CDH12: variants seen among roughly 807,000 people sequenced by gnomAD.
The protein encoded by CDH12 is cadherin-12.
In CDH12, 41 loss-of-function variants were observed where a neutral mutation model predicts 74.1. That is an observed-to-expected ratio of 0.55 (90% CI 0.43 to 0.72). The LOEUF (loss-of-function observed/expected upper bound fraction) is 0.72, where lower values mean the gene tolerates loss of function less well. Among genes scored for constraint, CDH12 ranks in the 30% least tolerant of loss-of-function variants. The probability of loss-of-function intolerance (pLI) is 0.00; values close to 1 mark genes in which losing one functional copy is unlikely to be tolerated. For synonymous variants in CDH12, 399 were observed against 355.0 expected (o/e 1.12, Z -1.39); for missense variants, 945 against 977.2 (o/e 0.97, Z 0.44).
intron 10 of CDH12, 129 bp from the exon 11 acceptor site, chr5:21,783,623 T>A: frequency 3.0e-6 from 2 of 663,768 alleles, no homozygotes; most frequent in Non-Finnish European, 5.2e-6. Flanking sequence ...TAAAGAAGAC[T>A]GTAAATGACA....
intron 1 of CDH12, among the ~76,000 whole-genome samples, chr5:22,507,303 A>C (rs1470637910): frequency 6.6e-6 from 1 of 152,100 alleles, no homozygotes; most frequent in South Asian, 2.1e-4. Context: ...ATTCATTTTT[A>C]AGACAAAAAG....
intron 6 of CDH12, among the ~76,000 whole-genome samples, chr5:21,894,121 G>A (rs942561883): frequency 1.3e-5 from 2 of 152,180 alleles, no homozygotes; most frequent in African/African-American, 4.8e-5. Flanking sequence ...GTTCATGCCT[G>A]TAATCCCAGC....
chr5:22,666,477 A>G (rs551207956), intron 1 of CDH12, among the ~76,000 whole-genome samples: 1 of 151,718 alleles, frequency 6.6e-6, no homozygotes, highest in African/African-American at 2.4e-5. Flanking sequence ...TTTTTAGTAG[A>G]GACGGGGTTT....
chr5:22,845,332 T>C (rs1207617407), intron 1 of CDH12, among the ~76,000 whole-genome samples: 2 of 152,148 alleles, frequency 1.3e-5, no homozygotes, highest in East Asian at 3.9e-4. Context: ...TAGAAAGTAC[T>C]ATAATTCACG....
chr5:22,706,625 A>ATG (rs1297518124), intron 1 of CDH12, among the ~76,000 whole-genome samples: 2 of 152,006 alleles, frequency 1.3e-5, no homozygotes, highest in Non-Finnish European at 2.9e-5. Flanking sequence ...AACTATTTTA[A>ATG]TGTATCATAG....
chr5:22,592,200 A>C (rs902843441), intron 1 of CDH12, among the ~76,000 whole-genome samples: 3 of 152,188 alleles, frequency 2.0e-5, no homozygotes, highest in African/African-American at 7.2e-5. Flanking sequence ...ATCTCTGATC[A>C]ACTCATCTGG....
chr5:21,882,656 C>A, intron 6 of CDH12: 1 of 1,605,042 alleles, frequency 6.2e-7, no homozygotes, highest in South Asian at 1.1e-5. Flanking sequence ...TCATCTCACT[C>A]GAGCTTATGC....
At chr5:21,846,285 C>G (rs1481219842) in intron 7 of CDH12, among the ~76,000 whole-genome samples, 1 of 152,162 alleles carries the variant, frequency 6.6e-6, no homozygotes, top group Non-Finnish European at 1.5e-5. Flanking sequence ...CATTTCACTG[C>G]AGAAGCAGAA....
intron 4 of CDH12, among the ~76,000 whole-genome samples, chr5:22,200,348 C>G (rs954751713): frequency 1.1e-4 from 17 of 152,026 alleles, no homozygotes; most frequent in African/African-American, 3.6e-4. Context: ...TAAATATCAT[C>G]CAGTTATGAA....
At chr5:22,688,901 G>GAT (rs1337380027) in intron 1 of CDH12, among the ~76,000 whole-genome samples, 4 of 152,222 alleles carry the variant, frequency 2.6e-5, no homozygotes, top group South Asian at 2.1e-4. Flanking sequence ...TATTTTGAAT[G>GAT]ATAGCAAAAT....
At chr5:22,349,317 C>A (rs1176221289) in intron 3 of CDH12, among the ~76,000 whole-genome samples, 1 of 152,128 alleles carries the variant, frequency 6.6e-6, no homozygotes, top group Non-Finnish European at 1.5e-5. Context: ...GAAGAGTTTG[C>A]AGGATAAAAG....
rs149178128 is a variant in CDH12, at chr5:22,053,028, T to C, written c.231+25418A>G. Among the ~76,000 whole-genome samples the C allele has an allele frequency of 7.4e-3, 1,128 of 152,056 alleles. 11 individuals carry two copies. The highest frequency in any genetic ancestry group is 0.025 in the African/African-American group (1,053 of 41,508). ...TACACTTACTTATTGAATGATGATA[T>C]ATTTTTTTAAATTTAAGAATACTGA... On this transcript the variant is annotated intron_variant, in intron 5 of 14. Coordinates refer to ENST00000382254, the MANE Select transcript of CDH12 (RefSeq NM_004061.5).
intron 12 of CDH12, among the ~76,000 whole-genome samples, chr5:21,763,538 G>A (rs1013115650): frequency 6.6e-6 from 1 of 151,974 alleles, no homozygotes; most frequent in Non-Finnish European, 1.5e-5. Context: ...ATAAAACTTC[G>A]AATTTACTTA....
chr5:22,773,576 C>T (rs546106093), intron 1 of CDH12, among the ~76,000 whole-genome samples: 2 of 152,156 alleles, frequency 1.3e-5, no homozygotes, highest in East Asian at 1.9e-4. Flanking sequence ...CACCATTTTG[C>T]ACATTGGCTT....
chr5:22,419,517 A>G (rs1448940282), intron 2 of CDH12, among the ~76,000 whole-genome samples: 1 of 152,100 alleles, frequency 6.6e-6, no homozygotes, highest in African/African-American at 2.4e-5. Flanking sequence ...TCCATGGTGT[A>G]TATGTACCAC....
At chr5:22,328,672 A>C (rs1464324845) in intron 3 of CDH12, among the ~76,000 whole-genome samples, 1 of 152,186 alleles carries the variant, frequency 6.6e-6, no homozygotes, top group African/African-American at 2.4e-5. Context: ...TAAAGATGTA[A>C]GAAGGAGAGA....
chr5:22,274,834 T>A (rs577267085), intron 3 of CDH12, among the ~76,000 whole-genome samples: 1 of 152,260 alleles, frequency 6.6e-6, no homozygotes, highest in Non-Finnish European at 1.5e-5. Flanking sequence ...AAAAGTTATA[T>A]GCATCTTATT....
intron 5 of CDH12, among the ~76,000 whole-genome samples, chr5:22,073,123 T>G (rs1325770984): frequency 6.6e-6 from 1 of 152,154 alleles, no homozygotes; most frequent in Non-Finnish European, 1.5e-5. Flanking sequence ...TCTAGAGACC[T>G]TCATAGTTAC....
chr5:22,641,873 A>T (rs986392090), intron 1 of CDH12, among the ~76,000 whole-genome samples: 1 of 152,182 alleles, frequency 6.6e-6, no homozygotes, highest in African/African-American at 2.4e-5. Flanking sequence ...ATGCCTAATA[A>T]TGAAGCAACT....
Sources: allele counts gnomAD v4.1 joint callset (sites outside exome capture counted in the v4.1 genomes callset), GRCh38; gene constraint gnomAD v4.1.1; transcripts MANE v1.5; gene names NCBI Gene and HGNC (gene_info 2026-07-23, HGNC 2026-07-21).